ARMC3: variants seen among roughly 807,000 people sequenced by gnomAD.
ARMC3 encodes the protein armadillo repeat containing 3.
In ARMC3, 74 loss-of-function variants were observed where a neutral mutation model predicts 90.3. The observed-to-expected ratio is 0.82, with a 90% CI of 0.68 to 0.99. The LOEUF is 0.99. Among genes scored for constraint, ARMC3 ranks in the 50% least tolerant of loss-of-function variants. The pLI is 0.00. For missense variants in ARMC3, 958 were observed against 1,042.8 expected, an observed-to-expected ratio of 0.92 and a Z score of 1.12; for synonymous variants, 334 against 361.8, an observed-to-expected ratio of 0.92 and a Z score of 0.87.
In ARMC3 at chr10:22,962,426, G is replaced by A. The variant is rs547885438; in HGVS notation, c.732+348G>A. On this transcript the variant is annotated intron_variant, in intron 7 of 18. Transcript: ENST00000298032. ...CTAGATACCTTTTAATAATATTGGA[G>A]CTAAATGTCCATAGTTGCTAATAAG... is the stretch of plus-strand genomic sequence containing the variant. Among the ~76,000 whole-genome samples, 9 of 152,212 alleles carry A rather than the reference G, an allele frequency of 5.9e-5. No individual in the cohort carries two copies. The East Asian group carries it at 1.5e-3, about 26-fold the overall frequency.
chr10:22,952,818 C>G (rs936256766), intron 3 of ARMC3, among the ~76,000 whole-genome samples: 1 of 152,138 alleles, frequency 6.6e-6, no homozygotes, highest in African/African-American at 2.4e-5. Flanking sequence ...ATAAAAAAAG[C>G]AAACACATCA....
At chr10:23,005,106 C>T (rs373998208) in intron 13 of ARMC3, among the ~76,000 whole-genome samples, 88 of 149,490 alleles carry the variant, frequency 5.9e-4, no homozygotes, top group Non-Finnish European at 9.2e-4. Context: ...CCAGCTACTC[C>T]GGAGGCTGAG....
intron 7 of ARMC3, 127 bp downstream of exon 7, chr10:22,962,205 G>A: frequency 1.5e-6 from 1 of 657,824 alleles, no homozygotes; most frequent in East Asian, 3.3e-5. Context: ...GCTACATAAA[G>A]TTTATTGGCC....
chr10:23,003,819 AG>A (rs1341972423), intron 13 of ARMC3, among the ~76,000 whole-genome samples: 1 of 147,972 alleles, frequency 6.8e-6, no homozygotes, highest in East Asian at 2.0e-4. Context: ...ACTCCACCCC[AG>A]GCAGCATAGC....
chr10:22,988,311 T>C (rs1836549580), intron 10 of ARMC3, among the ~76,000 whole-genome samples: 1 of 152,234 alleles, frequency 6.6e-6, no homozygotes, highest in Non-Finnish European at 1.5e-5. Flanking sequence ...ATACTTCATC[T>C]AGTGCTTCAA....
At chr10:23,021,373 C>T (rs1838508753) in intron 16 of ARMC3, among the ~76,000 whole-genome samples, 1 of 152,166 alleles carries the variant, frequency 6.6e-6, no homozygotes, top group Admixed American at 6.5e-5. Context: ...GTTTTAAGTT[C>T]TTTGAAATCT....
At chr10:23,014,963 A>AAAAT (rs1838211374) in intron 16 of ARMC3, among the ~76,000 whole-genome samples, 1 of 152,062 alleles carries the variant, frequency 6.6e-6, no homozygotes, top group East Asian at 1.9e-4. Context: ...CCCTGAACTT[A>AAAAT]AAATAAAAGT....
Position 22,968,466 on chromosome 10 carries a change from C to T in ARMC3, c.893C>T (p.Ala298Val). The change falls in exon 8 of 19, where the codon GCC becomes GTC. Residue 298 changes from alanine to valine, a missense_variant. By Grantham distance (64) the Ala-to-Val change is moderately conservative. Transcript: ENST00000298032. ...GATATTCAGAAGAATGCAGCAAAAG[C>T]CATTACTAAAGCAGCTTATGATCGT... Reference protein sequence around the residue: ...IPDIQKNAAKAITKAAYDPEN... With the variant: ...IPDIQKNAAKVITKAAYDPEN... The T allele has an allele frequency of 6.3e-7, 1 of 1,597,542 alleles. No individual in the cohort carries two copies. Among genetic ancestry groups the T allele is most frequent in the Admixed American group, 1.8e-5 (1 of 55,294 alleles).
intron 16 of ARMC3, chr10:23,014,072 C>A (rs544666761): frequency 1.3e-6 from 2 of 1,549,032 alleles, no homozygotes; most frequent in African/African-American, 2.7e-5. Context: ...TGTCTTCACT[C>A]TCCCTCTTCC....
chr10:22,937,187 C>G lies in ARMC3; in HGVS notation c.48+5143C>G, dbSNP rs146290745. Among the ~76,000 whole-genome samples, 4 of 152,256 alleles carry G rather than the reference C, an allele frequency of 2.6e-5. No homozygotes were observed. The East Asian group carries it at 7.7e-4, about 29-fold the overall frequency. ...CAAAGTGCTGTGATTACAAGCATGA[C>G]TCACTGCACCTGGTCTTTAAAATTA... is the stretch of plus-strand genomic sequence containing the variant. On this transcript the variant is annotated intron_variant, in intron 2 of 18. Coordinates refer to ENST00000298032, the MANE Select transcript of ARMC3 (RefSeq NM_173081.5).
intron 16 of ARMC3, among the ~76,000 whole-genome samples, chr10:23,025,903 A>T (rs2131550514): frequency 6.6e-6 from 1 of 152,214 alleles, no homozygotes; most frequent in East Asian, 1.9e-4. Context: ...TGAAAGAAGG[A>T]ATTATTACTA....
intron 7 of ARMC3, among the ~76,000 whole-genome samples, chr10:22,963,855 A>G (rs1020036255): frequency 4.6e-5 from 6 of 131,046 alleles, no homozygotes; most frequent in Non-Finnish European, 9.3e-5. Context: ...GCACCACTGC[A>G]CTCCAGCCTG....
intron 3 of ARMC3, among the ~76,000 whole-genome samples, chr10:22,953,541 A>C (rs1256220979): frequency 6.6e-6 from 1 of 151,700 alleles, no homozygotes; most frequent in Admixed American, 6.6e-5. Flanking sequence ...CCCTAATAAA[A>C]GATATCTACA....
chr10:22,992,939 G>T (rs1836773926), intron 10 of ARMC3, among the ~76,000 whole-genome samples: 1 of 150,106 alleles, frequency 6.7e-6, no homozygotes, highest in Non-Finnish European at 1.5e-5. Flanking sequence ...CACCGCCCCT[G>T]ACCACTTGCA....
chr10:22,955,871 C>T lies in ARMC3; in HGVS notation c.231C>T (p.Thr77=). The change falls in exon 4 of 19, where the codon ACC becomes ACT. Residue 77 remains threonine, a synonymous_variant. Transcript: ENST00000298032. Reference sequence around the variant, plus strand: ...TGGAACCTTTAACTAAGCTACTCACCCATGAAGACAAAATTGTAAGAAGAA... The same window carrying T: ...TGGAACCTTTAACTAAGCTACTCACTCATGAAGACAAAATTGTAAGAAGAA... ...GAVEPLTKLL[T]HEDKIVRRNA... 6.2e-7 allele frequency: 1 copy of T among 1,613,106 alleles called. No homozygotes were observed. The highest frequency in any genetic ancestry group is 8.5e-7 in the Non-Finnish European group (1 of 1,179,170).
At chr10:22,931,324 T>C (rs1273280845) in intron 1 of ARMC3, among the ~76,000 whole-genome samples, 2 of 152,226 alleles carry the variant, frequency 1.3e-5, no homozygotes, top group African/African-American at 4.8e-5. Context: ...CATGGACATA[T>C]GAGGACAAGT....
intron 17 of ARMC3, among the ~76,000 whole-genome samples, chr10:23,031,701 G>T (rs1018434695): frequency 3.3e-5 from 5 of 152,014 alleles, no homozygotes; most frequent in Non-Finnish European, 7.4e-5. Flanking sequence ...TTCATGCTTT[G>T]TTCCTATCAG....
At chr10:22,985,519 G>A (rs1836381676) in intron 10 of ARMC3, among the ~76,000 whole-genome samples, 1 of 152,126 alleles carries the variant, frequency 6.6e-6, no homozygotes, top group South Asian at 2.1e-4. Flanking sequence ...TCCATGAAAA[G>A]CTTGGATTCC....
intron 7 of ARMC3, 57 bp from the exon 8 acceptor site, chr10:22,968,249 T>G (rs1162682971): frequency 2.7e-6 from 4 of 1,504,496 alleles, no homozygotes; most frequent in Non-Finnish European, 9.2e-7. Context: ...GTAGTCAAAT[T>G]TGGGAAGTGT....
Sources: gnomAD v4.1 joint callset for allele counts (sites outside exome capture counted in the v4.1 genomes callset) on GRCh38, gnomAD v4.1.1 for gene constraint, MANE v1.5 for transcripts, NCBI Gene and HGNC (gene_info 2026-07-23, HGNC 2026-07-21) for gene names.